Variants in CDH13 observed in about 807,000 individuals in gnomAD.
CDH13 encodes the protein cadherin 13.
A neutral mutation model predicts 63.8 loss-of-function variants in CDH13; 24 were observed. The observed-to-expected ratio is 0.38, with a 90% CI of 0.27 to 0.53. The LOEUF (loss-of-function observed/expected upper bound fraction) is 0.53. Ranked by LOEUF, CDH13 falls within the 20% of genes least tolerant of loss-of-function variation. The probability of loss-of-function intolerance (pLI) is 0.85; values close to 1 mark genes in which losing one functional copy is unlikely to be tolerated. For synonymous variants in CDH13, 503 were observed against 355.3 expected, an observed-to-expected ratio of 1.42 and a Z score of -4.67; for missense variants, 1,049 against 903.1, an observed-to-expected ratio of 1.16 and a Z score of -2.07.
intron 10 of CDH13, among the ~76,000 whole-genome samples, chr16:83,698,801 T>C (rs536831008): frequency 3.9e-5 from 6 of 152,318 alleles, no homozygotes; most frequent in African/African-American, 1.4e-4. Context: ...TGATAAACAA[T>C]ATAGGTTTTA....
chr16:83,614,326 G>A (rs950289146), intron 8 of CDH13, among the ~76,000 whole-genome samples: 2 of 152,156 alleles, frequency 1.3e-5, no homozygotes, highest in African/African-American at 2.4e-5. Flanking sequence ...CTTTCCTGGG[G>A]TCCTAACTGA....
intron 6 of CDH13, among the ~76,000 whole-genome samples, chr16:83,442,737 CAG>C (rs1476305059): frequency 6.6e-6 from 1 of 152,190 alleles, no homozygotes; most frequent in Non-Finnish European, 1.5e-5. Context: ...ACAGTGATAT[CAG>C]AATGTTACCT....
chr16:83,645,597 A>C (rs1430407966), intron 8 of CDH13, among the ~76,000 whole-genome samples: 1 of 150,950 alleles, frequency 6.6e-6, no homozygotes, highest in Non-Finnish European at 1.5e-5. Context: ...AACACCCCCA[A>C]CCTCCCGCAC....
chr16:83,078,291 T>C (rs901541686), intron 3 of CDH13, among the ~76,000 whole-genome samples: 1 of 152,186 alleles, frequency 6.6e-6, no homozygotes, highest in Non-Finnish European at 1.5e-5. Flanking sequence ...CCCCAACCTT[T>C]TGGCACCAGG....
chr16:82,784,270 C>T (rs1029509345), intron 1 of CDH13, among the ~76,000 whole-genome samples: 28 of 152,202 alleles, frequency 1.8e-4, no homozygotes, highest in African/African-American at 6.5e-4. Context: ...TAGACGTTGA[C>T]ATCCCTGTCG....
rs905997109 is a variant in CDH13, at chr16:83,257,984, C to G, written c.636+40487C>G. Among the ~76,000 whole-genome samples the G allele has an allele frequency of 1.4e-4, 22 of 152,138 alleles. 1 individual carries two copies. The highest frequency in any genetic ancestry group is 3.9e-4 in the Admixed American group (6 of 15,278). ...TTCTAACTGGTGTGAGATGGTATCT[C>G]AATGTGGTATTGGTTTGCATTTCTC... is the stretch of plus-strand genomic sequence containing the variant. On this transcript the variant is annotated intron_variant, in intron 5 of 13. Transcript: ENST00000567109.
intron 7 of CDH13, among the ~76,000 whole-genome samples, chr16:83,537,400 T>G (rs1256830299): frequency 1.3e-5 from 2 of 152,186 alleles, no homozygotes; most frequent in African/African-American, 2.4e-5. Flanking sequence ...TAATTTGGCT[T>G]GAATAATTTA....
At chr16:82,896,718 G>C (rs968497666) in intron 2 of CDH13, among the ~76,000 whole-genome samples, 4 of 144,472 alleles carry the variant, frequency 2.8e-5, no homozygotes, top group African/African-American at 1.0e-4. Flanking sequence ...CAGTGAATAA[G>C]AGACGAAAGA....
At chr16:82,922,613 T>A (rs1469246152) in intron 2 of CDH13, among the ~76,000 whole-genome samples, 1 of 152,182 alleles carries the variant, frequency 6.6e-6, no homozygotes, top group African/African-American at 2.4e-5. Context: ...CTTAACAAGT[T>A]GGTACTTATT....
At chr16:83,652,720 C>T (rs1207935832) in intron 8 of CDH13, among the ~76,000 whole-genome samples, 1 of 152,156 alleles carries the variant, frequency 6.6e-6, no homozygotes, top group East Asian at 1.9e-4. Flanking sequence ...CCAAGGGCTA[C>T]ATATGGGTTA....
At chr16:83,591,141 C>A (rs947544212) in intron 7 of CDH13, among the ~76,000 whole-genome samples, 5 of 151,914 alleles carry the variant, frequency 3.3e-5, no homozygotes, top group African/African-American at 9.7e-5. Flanking sequence ...GAACTCCTGA[C>A]TTCATGATCC....
chr16:83,038,241 C>G (rs924381424), intron 3 of CDH13, among the ~76,000 whole-genome samples: 9 of 152,144 alleles, frequency 5.9e-5, no homozygotes, highest in African/African-American at 1.9e-4. Flanking sequence ...AGCCTGGCCT[C>G]TCTTATTTTT....
chr16:83,451,796 G>A (rs1216275125), intron 6 of CDH13, among the ~76,000 whole-genome samples: 3 of 152,202 alleles, frequency 2.0e-5, no homozygotes, highest in Non-Finnish European at 4.4e-5. Flanking sequence ...GGCATTACAG[G>A]CATGTGCCAC....
intron 13 of CDH13, among the ~76,000 whole-genome samples, chr16:83,785,860 C>T (rs915415706): frequency 6.6e-6 from 1 of 152,132 alleles, no homozygotes; most frequent in Non-Finnish European, 1.5e-5. Context: ...AAATCAGGAC[C>T]GTCCTGGTGA....
chr16:83,524,555 C>G (rs1240253852), intron 7 of CDH13, among the ~76,000 whole-genome samples: 1 of 147,468 alleles, frequency 6.8e-6, no homozygotes, highest in Admixed American at 7.0e-5. Context: ...TGGGTTCACG[C>G]CATTCTCCTG....
intron 4 of CDH13, among the ~76,000 whole-genome samples, chr16:83,207,698 T>C (rs533657839): frequency 1.0e-4 from 15 of 150,718 alleles, no homozygotes; most frequent in African/African-American, 2.7e-4. Flanking sequence ...GCCACATTAG[T>C]ATATAATTAT....
chr16:83,040,293 A>G (rs1038009193), intron 3 of CDH13, among the ~76,000 whole-genome samples: 1 of 152,156 alleles, frequency 6.6e-6, no homozygotes, highest in African/African-American at 2.4e-5. Flanking sequence ...AGATGAATAT[A>G]TGAAGGGGAG....
intron 6 of CDH13, among the ~76,000 whole-genome samples, chr16:83,390,837 C>T (rs1204962787): frequency 6.6e-6 from 1 of 152,120 alleles, no homozygotes; most frequent in African/African-American, 2.4e-5. Flanking sequence ...GGAAGAGCCT[C>T]AACTCAGGGG....
chr16:82,656,878 C>G (rs1354783559), intron 1 of CDH13, among the ~76,000 whole-genome samples: 1 of 149,948 alleles, frequency 6.7e-6, no homozygotes, highest in Non-Finnish European at 1.5e-5. Context: ...TGGTAACATG[C>G]ATTGAAGTTT....
Sources: allele counts gnomAD v4.1 joint callset (sites outside exome capture counted in the v4.1 genomes callset), GRCh38; gene constraint gnomAD v4.1.1; transcripts MANE v1.5; gene names NCBI Gene and HGNC (gene_info 2026-07-23, HGNC 2026-07-21).